The following CSNK1A1 variants were observed in gnomAD, a reference collection of about 807,000 sequenced individuals.
CSNK1A1 encodes the protein casein kinase 1 alpha 1.
Under a neutral mutation model 46.1 loss-of-function variants are expected in CSNK1A1, and 7 were observed. The ratio of observed to expected loss-of-function variants is 0.15; its 90% CI spans 0.09 to 0.29. The LOEUF (loss-of-function observed/expected upper bound fraction) is 0.29. Ranked by LOEUF, CSNK1A1 falls within the 10% of genes least tolerant of loss-of-function variation. CSNK1A1 has a pLI of 1.00. For synonymous variants in CSNK1A1, 137 were observed against 141.5 expected (o/e 0.97, Z 0.23); for missense variants, 96 against 417.1 (o/e 0.23, Z 6.71).
chr5:149,524,723 A>G (rs777816744), intron 3 of CSNK1A1, among the ~76,000 whole-genome samples: 1 of 152,186 alleles, frequency 6.6e-6, no homozygotes, highest in Non-Finnish European at 1.5e-5. Context: ...GTCAATAAAC[A>G]TTTATCAACA....
At chr5:149,504,854 G>A (rs948138505) in intron 9 of CSNK1A1, 1 of 985,434 alleles carries the variant, frequency 1.0e-6, no homozygotes, top group African/African-American at 1.7e-5. Context: ...GATGTGCTGA[G>A]CTTTGCATTT....
At chr5:149,540,411 G>C (rs1408452249) in intron 2 of CSNK1A1, among the ~76,000 whole-genome samples, 5 of 152,128 alleles carry the variant, frequency 3.3e-5, no homozygotes. Context: ...GAAAAAGGCA[G>C]TATTTTAGTT....
At chr5:149,500,432 C>A (rs996252183) in intron 9 of CSNK1A1, among the ~76,000 whole-genome samples, 2 of 151,992 alleles carry the variant, frequency 1.3e-5, no homozygotes, top group South Asian at 4.1e-4. Context: ...CCACCGCGCC[C>A]GGCCCCAGCT....
chr5:149,505,339 T>C, intron 9 of CSNK1A1, 108 bp downstream of exon 9: 1 of 1,461,702 alleles, frequency 6.8e-7, no homozygotes, highest in South Asian at 1.5e-5. Context: ...GAGCCAAATT[T>C]TTATGTATTT....
At chr5:149,514,425 GTCA>G (rs1452951316) in intron 4 of CSNK1A1, among the ~76,000 whole-genome samples, 23 of 152,056 alleles carry the variant, frequency 1.5e-4, no homozygotes, top group African/African-American at 5.6e-4. Flanking sequence ...TTTGGCTTTT[GTCA>G]TAAAATCACC....
At chr5:149,498,130 C>A in intron 9 of CSNK1A1, 1 of 985,416 alleles carries the variant, frequency 1.0e-6, no homozygotes, top group Non-Finnish European at 1.2e-6. Flanking sequence ...CCGTGCCCAG[C>A]TTCTTTTACT....
Position 149,542,674 on chromosome 5 carries a change from A to G in CSNK1A1, c.230+7401T>C, listed in dbSNP as rs1174520556. Among the ~76,000 whole-genome samples, 61 of 6,110 alleles carry G rather than the reference A, an allele frequency of 1.0e-2. 8 individuals are homozygous for G. The highest frequency in any genetic ancestry group is 0.036 in the African/African-American group (45 of 1,258). The allele number at this position is 6,110 out of a possible 152,430, so 4.0% of individuals were successfully genotyped here. On this transcript the variant is annotated intron_variant, in intron 2 of 9. Transcript: ENST00000377843. ...TATATATATATATATATATATATGT[A>G]TATATATATATATATATATTTTTTT...
chr5:149,524,268 T>C (rs1452180459), intron 3 of CSNK1A1, among the ~76,000 whole-genome samples: 2 of 152,284 alleles, frequency 1.3e-5, no homozygotes, highest in South Asian at 2.1e-4. Flanking sequence ...ATTCTCTTCA[T>C]AGTATTTTTA....
intron 8 of CSNK1A1, 29 bp from the exon 9 acceptor site, chr5:149,505,624 TCCTTTAATAACAGAGTCCA>T: frequency 6.3e-7 from 1 of 1,585,794 alleles, no homozygotes; most frequent in African/African-American, 1.3e-5. Flanking sequence ...TTTATGTTAA[TCCTTTAATAACAGAGTCCA>T]GTTATATAAC....
intron 2 of CSNK1A1, among the ~76,000 whole-genome samples, chr5:149,547,048 T>C (rs1180445811): frequency 6.6e-6 from 1 of 152,114 alleles, no homozygotes; most frequent in Non-Finnish European, 1.5e-5. Flanking sequence ...CTAAAGCAAA[T>C]TTACCCTTTC....
At position 149,505,532 on chromosome 5, in the gene CSNK1A1, C is replaced by T. The variant is rs749416274; in HGVS notation, c.921G>A (p.Gln307=). ...DWTMLKQKAA[Q]QAASSSGQGQ... is the part of the protein sequence containing the mutation. ...CCTGCCCACTGGAAGAGGCTGCCTG[C>T]TGTGCTGCTTTCTGCTTTAACATTG... Residue 307 remains glutamine (Q), a synonymous_variant, in exon 9 of 10, where the codon CAG becomes CAA. Transcript: ENST00000377843. 1.9e-5 allele frequency: 31 copies of T among 1,614,008 alleles called. No homozygotes were observed. Among genetic ancestry groups the T allele is most frequent in the Non-Finnish European group, 2.5e-5 (29 of 1,180,046 alleles).
chr5:149,516,760 C>T (rs938375625), intron 4 of CSNK1A1, among the ~76,000 whole-genome samples: 10 of 152,064 alleles, frequency 6.6e-5, no homozygotes, highest in African/African-American at 2.4e-4. Context: ...ATACTTGGTA[C>T]TTCTTTGCCT....
Position 149,512,004 on chromosome 5 carries a change from A to G in CSNK1A1, c.597-132T>C, listed in dbSNP as rs1047260054. On this transcript the variant is annotated intron_variant, in intron 5 of 9. Coordinates refer to ENST00000377843, the MANE Select transcript of CSNK1A1 (RefSeq NM_001892.6). ...TATTTGGTGTCTTACGCAAGAAGCT[A>G]CTTATTTAAGGTGATTTTAAAAAGT... 1.1e-5 allele frequency: 7 copies of G among 641,912 alleles called. No individual in the cohort carries two copies. In the African/African-American group the frequency reaches 1.3e-4, roughly 12 times the overall value. The allele number at this position is 641,912 out of a possible 1,614,324, so 39.8% of individuals were successfully genotyped here. A position where few individuals can be genotyped will look rare whatever the true frequency, so the allele number is the denominator to read the frequency against.
At position 149,517,939 on chromosome 5, in the gene CSNK1A1, C is replaced by T. The variant is rs1270997381; in HGVS notation, c.456+2351G>A. On this transcript the variant is annotated intron_variant, in intron 4 of 9. Coordinates refer to ENST00000377843, the MANE Select transcript of CSNK1A1 (RefSeq NM_001892.6). This position sits in a 1 kb window ranked among gnomAD's most constrained non-coding sequence, Gnocchi z 4.4. ...GTATTGCTTACATTGCAACAATGGC[C>T]GGCGCAGACAGGCAACACCGAGGCA... 15 of 1,069,184 alleles carry T rather than the reference C, an allele frequency of 1.4e-5. No homozygotes were observed. The highest frequency in any genetic ancestry group is 1.8e-5 in the Non-Finnish European group (13 of 706,130). The allele number at this position is 1,069,184 out of a possible 1,614,324, so 66.2% of individuals were successfully genotyped here.
intron 9 of CSNK1A1, chr5:149,502,578 G>T: frequency 3.6e-6 from 2 of 552,622 alleles, no homozygotes; most frequent in Non-Finnish European, 4.6e-6. Context: ...CTTACTATGT[G>T]GCCCAGGCAA....
At chr5:149,549,475 T>C (rs1033433122) in intron 2 of CSNK1A1, 2 of 702,410 alleles carry the variant, frequency 2.8e-6, no homozygotes, top group African/African-American at 3.5e-5. Context: ...CCTGCAGCTT[T>C]ATTCTTGGCT....
At chr5:149,522,437 T>G (rs766656406) in intron 3 of CSNK1A1, among the ~76,000 whole-genome samples, 21 of 152,222 alleles carry the variant, frequency 1.4e-4, no homozygotes, top group Non-Finnish European at 2.6e-4. Flanking sequence ...GACACTTACT[T>G]AGAAGTTGTA....
At chr5:149,509,458 G>T (rs1761144795) in intron 7 of CSNK1A1, among the ~76,000 whole-genome samples, 1 of 151,974 alleles carries the variant, frequency 6.6e-6, no homozygotes, top group South Asian at 2.1e-4. Context: ...ATCCTTGCAA[G>T]ACAGCCAAGA....
chr5:149,521,836 G>A (rs1468384547), intron 3 of CSNK1A1, among the ~76,000 whole-genome samples: 4 of 151,924 alleles, frequency 2.6e-5, no homozygotes, highest in African/African-American at 9.7e-5. Flanking sequence ...TCCAGCTCCT[G>A]GCCTAAAATG....
Sources: allele counts gnomAD v4.1 joint callset (sites outside exome capture counted in the v4.1 genomes callset), GRCh38; gene constraint gnomAD v4.1.1; non-coding constraint Gnocchi (gnomAD v3.1); transcripts MANE v1.5; gene names NCBI Gene and HGNC (gene_info 2026-07-23, HGNC 2026-07-21).